TOP1: variants seen among roughly 807,000 people sequenced by gnomAD.
The protein encoded by TOP1 is DNA topoisomerase 1.
TOP1 carries 10 observed loss-of-function variants against 111.1 expected under a neutral mutation model. The ratio of observed to expected loss-of-function variants is 0.09; its 90% CI spans 0.06 to 0.15. The LOEUF (loss-of-function observed/expected upper bound fraction) is 0.15. Ranked by LOEUF, TOP1 falls within the 10% of genes least tolerant of loss-of-function variation. TOP1 has a pLI of 1.00. For missense variants in TOP1, 474 were observed against 926.7 expected, an observed-to-expected ratio of 0.51 and a Z score of 6.34; for synonymous variants, 271 against 302.9, an observed-to-expected ratio of 0.89 and a Z score of 1.10.
rs538805529 is a variant in TOP1, at chr20:41,076,931, G to A, written c.279+637G>A. Among the ~76,000 whole-genome samples, 57 of 152,216 alleles carry A rather than the reference G, an allele frequency of 3.7e-4. 1 individual carries two copies. The East Asian group carries it at 4.8e-3, about 13-fold the overall frequency. ...TCTTCCATAGATACTCTGTATATCT[G>A]TATGTGTGTGTGTATCCCTTTGTGT... On this transcript the variant is annotated intron_variant, in intron 4 of 20. Transcript: ENST00000361337.
intron 2 of TOP1, among the ~76,000 whole-genome samples, chr20:41,041,437 C>CAAAAAAAAAAAAAAAAAAAAAAATAAAAA (rs780663951): frequency 1.1e-5 from 1 of 89,006 alleles, no homozygotes. Context: ...GACCCTGTCT[C>CAAAAAAAAAAAAAAAAAAAAAAATAAAAA]AAAAAAAAAA....
chr20:41,075,779 T>C (rs2033720143), intron 3 of TOP1, among the ~76,000 whole-genome samples: 1 of 152,190 alleles, frequency 6.6e-6, no homozygotes, highest in Admixed American at 6.5e-5. Context: ...TGTGGTATGT[T>C]TCAAGTCTGG....
intron 2 of TOP1, among the ~76,000 whole-genome samples, chr20:41,060,505 A>G (rs2033531231): frequency 6.6e-6 from 1 of 152,202 alleles, no homozygotes; most frequent in Non-Finnish European, 1.5e-5. Context: ...CAAGGGGTGG[A>G]AGATGGGGAA....
At position 41,030,653 on chromosome 20, in the gene TOP1, G is replaced by T. The variant is rs904520114; in HGVS notation, c.58+1198G>T. Among the ~76,000 whole-genome samples the T allele has an allele frequency of 6.6e-6, 1 of 152,136 alleles. No individual in the cohort carries two copies. Among genetic ancestry groups the T allele is most frequent in the Admixed American group, 6.6e-5 (1 of 15,262 alleles). On this transcript the variant is annotated intron_variant, in intron 2 of 20. Transcript: ENST00000361337. The surrounding 1 kb of genome is among the most constrained non-coding windows in gnomAD (Gnocchi z 4.1). ...AGAAGTTACCTTCTGTAGTGTGCTG[G>T]GAATTCCCACTGATTTTGATGGTAC...
rs965465217 is a variant in TOP1, at chr20:41,123,564, G to A, written c.*267G>A. 3.3e-5 allele frequency: 12 copies of A among 360,084 alleles called. No individual in the cohort carries two copies. Among genetic ancestry groups the A allele is most frequent in the Non-Finnish European group, 5.5e-5 (11 of 198,828 alleles). The allele number at this position is 360,084 out of a possible 1,614,324, so 22.3% of individuals were successfully genotyped here. On this transcript the variant is annotated 3_prime_UTR_variant, in exon 21 of 21. Transcript: ENST00000361337. This position sits in a 1 kb window ranked among gnomAD's most constrained non-coding sequence, Gnocchi z 5.8. ...TTTGTTTTTATTTTCAAGAGGGCAA[G>A]TGGATGGGAATTTGTCAGCGTTCTA...
chr20:41,076,146 C>T (rs776469212), intron 3 of TOP1, 25 bp from the exon 4 acceptor site: 24 of 1,600,304 alleles, frequency 1.5e-5, no homozygotes, highest in Admixed American at 7.0e-5. Flanking sequence ...TCTGGGCTAA[C>T]GCTTTGTGAC....
Position 41,121,813 on chromosome 20 carries a change from G to T in TOP1, c.2045+23G>T. 6.2e-7 allele frequency: 1 copy of T among 1,608,732 alleles called. No individual in the cohort carries two copies. Among genetic ancestry groups the T allele is most frequent in the Non-Finnish European group, 8.5e-7 (1 of 1,175,054 alleles). On this transcript the variant is annotated intron_variant, in intron 19 of 20. Coordinates refer to ENST00000361337, the MANE Select transcript of TOP1 (RefSeq NM_003286.4). The surrounding 1 kb of genome is among the most constrained non-coding windows in gnomAD (Gnocchi z 4.2). ...GAAGTATGTACCTGGTATTGTGAAAGTTGGGGCTGGTAGAGAAAAGTGTGC... is the reference window on the plus strand; with the variant it reads ...GAAGTATGTACCTGGTATTGTGAAATTTGGGGCTGGTAGAGAAAAGTGTGC...
In TOP1 at chr20:41,101,097, T is replaced by G; in HGVS notation, c.1164-112T>G. The stretch of plus-strand genomic sequence containing the variant: ...AAGGTGGGACTACTGTATTGACTGT[T>G]AAGAAGGAAACTTGGAAAATTATGC... On this transcript the variant is annotated intron_variant, in intron 12 of 20. Transcript: ENST00000361337. This position sits in a 1 kb window ranked among gnomAD's most constrained non-coding sequence, Gnocchi z 4.1. 2.5e-6 allele frequency: 3 copies of G among 1,189,310 alleles called. No individual in the cohort carries two copies. Among genetic ancestry groups the G allele is most frequent in the Non-Finnish European group, 2.4e-6 (2 of 823,086 alleles). The allele number at this position is 1,189,310 out of a possible 1,614,324, so 73.7% of individuals were successfully genotyped here.
chr20:41,068,102 G>A (rs572538083), intron 3 of TOP1, among the ~76,000 whole-genome samples: 1 of 152,332 alleles, frequency 6.6e-6, no homozygotes, highest in Admixed American at 6.5e-5. Context: ...TAGCTAAACT[G>A]TCTGTTTAAA....
intron 13 of TOP1, among the ~76,000 whole-genome samples, chr20:41,103,061 T>C (rs1222278867): frequency 6.6e-6 from 1 of 152,176 alleles, no homozygotes; most frequent in Admixed American, 6.5e-5. Context: ...AAAAGAATTA[T>C]CAAGTGGTGA....
Position 41,116,489 on chromosome 20 carries a change from C to G in TOP1, c.1822+97C>G, listed in dbSNP as rs1442060879. 5 of 926,240 alleles carry G rather than the reference C, an allele frequency of 5.4e-6. No individual in the cohort carries two copies. The East Asian group carries it at 1.0e-4, about 19-fold the overall frequency. 57.4% of individuals were successfully genotyped at this position (926,240 alleles called of 1,614,324 possible). A position where few individuals can be genotyped will look rare whatever the true frequency, so the allele number is the denominator to read the frequency against. On this transcript the variant is annotated intron_variant, in intron 17 of 20. Transcript: ENST00000361337. The surrounding 1 kb of genome is among the most constrained non-coding windows in gnomAD (Gnocchi z 5.6). ...CTAGAGTCAGTTCTACTTTTTTTCC[C>G]TACCATTGTGGTCAGACACTTTTTC...
rs1001032237 is a variant in TOP1, at chr20:41,101,066, A to G, written c.1164-143A>G. 6.1e-5 allele frequency: 44 copies of G among 723,202 alleles called. 1 individual carries two copies. The South Asian group carries it at 9.1e-4, about 15-fold the overall frequency. The allele number at this position is 723,202 out of a possible 1,614,324, so 44.8% of individuals were successfully genotyped here. On this transcript the variant is annotated intron_variant, in intron 12 of 20. Transcript: ENST00000361337. This position sits in a 1 kb window ranked among gnomAD's most constrained non-coding sequence, Gnocchi z 4.1. The stretch of plus-strand genomic sequence containing the variant: ...CAGTTGGCTGAGGGTAAGTAAAACC[A>G]TGCATAAGGTGGGACTACTGTATTG...
chr20:41,077,308 T>C (rs2033739625), intron 4 of TOP1, among the ~76,000 whole-genome samples: 1 of 152,228 alleles, frequency 6.6e-6, no homozygotes, highest in African/African-American at 2.4e-5. Flanking sequence ...AATGTATTTA[T>C]TGGGGAAAAG....
chr20:41,050,874 G>GT (rs2033397052), intron 2 of TOP1, among the ~76,000 whole-genome samples: 1 of 151,854 alleles, frequency 6.6e-6, no homozygotes, highest in Admixed American at 6.6e-5. Context: ...AACATACTGG[G>GT]TATAGAGTGT....
chr20:41,079,869 A>G lies in TOP1; in HGVS notation c.336-216A>G, dbSNP rs1303514412. Among the ~76,000 whole-genome samples, 1 of 152,224 alleles carries G rather than the reference A, an allele frequency of 6.6e-6. No homozygotes were observed. The highest frequency in any genetic ancestry group is 1.5e-5 in the Non-Finnish European group (1 of 68,038). On this transcript the variant is annotated intron_variant, in intron 5 of 20. Transcript: ENST00000361337. The surrounding 1 kb of genome is among the most constrained non-coding windows in gnomAD (Gnocchi z 4.0). The stretch of plus-strand genomic sequence containing the variant: ...TTAGAATAAAGAGTCTTGATCCCAA[A>G]TCCTGATATTGCCCATTCACCTGTA...
At position 41,071,451 on chromosome 20, in the gene TOP1, T is replaced by C. The variant is rs2033668207; in HGVS notation, c.156-4720T>C. 1.3e-5 allele frequency among the ~76,000 whole-genome samples: 2 copies of C among 151,412 alleles called. No individual in the cohort carries two copies. Among genetic ancestry groups the C allele is most frequent in the Non-Finnish European group, 3.0e-5 (2 of 67,704 alleles). ...CCTCTGTCTCCCTGGTTCAAGTGAT[T>C]CTCCTGCCTCAGCCTCCCCAGTAGC... On this transcript the variant is annotated intron_variant, in intron 3 of 20. Transcript: ENST00000361337. The surrounding 1 kb of genome is among the most constrained non-coding windows in gnomAD (Gnocchi z 4.3).
rs73909137 is a variant in TOP1 at position 41,074,933 on chromosome 20, A to G, written c.156-1238A>G. ...CTTATTGCTTCTTTAGTCTTTGACC[A>G]CATGCATGTTTTTACATAGTTGCAG... On this transcript the variant is annotated intron_variant, in intron 3 of 20. Coordinates refer to ENST00000361337, the MANE Select transcript of TOP1 (RefSeq NM_003286.4). 8.0e-3 allele frequency among the ~76,000 whole-genome samples: 1,220 copies of G among 152,350 alleles called. 11 individuals carry two copies. The highest frequency in any genetic ancestry group is 0.028 in the African/African-American group (1,163 of 41,574).
chr20:41,048,117 A>G (rs1415048224), intron 2 of TOP1, among the ~76,000 whole-genome samples: 1 of 151,746 alleles, frequency 6.6e-6, no homozygotes, highest in Non-Finnish European at 1.5e-5. Context: ...AAAATTCCCC[A>G]GAGGCTGACT....
At chr20:41,111,978 C>T (rs1205189605) in intron 13 of TOP1, among the ~76,000 whole-genome samples, 1 of 152,176 alleles carries the variant, frequency 6.6e-6, no homozygotes, top group African/African-American at 2.4e-5. Context: ...TCAGTTTTCA[C>T]ATGGTTTTAG....
Sources: allele counts gnomAD v4.1 joint callset (sites outside exome capture counted in the v4.1 genomes callset), GRCh38; gene constraint gnomAD v4.1.1; non-coding constraint Gnocchi (gnomAD v3.1); transcripts MANE v1.5; gene names NCBI Gene and HGNC (gene_info 2026-07-23, HGNC 2026-07-21).